Variants in ELMOD2 observed in about 807,000 individuals in gnomAD.
ELMOD2 encodes ELMO domain containing 2.
ELMOD2 carries 28 observed loss-of-function variants against 41.0 expected under a neutral mutation model. That is an observed-to-expected ratio of 0.68 (90% confidence interval 0.51 to 0.94). The LOEUF (loss-of-function observed/expected upper bound fraction) is 0.94. Among genes scored for constraint, ELMOD2 ranks in the 40% least tolerant of loss-of-function variants. The pLI, the probability that ELMOD2 is intolerant of heterozygous loss-of-function variation, is 0.00. For synonymous variants in ELMOD2, 106 were observed against 107.2 expected (o/e 0.99, Z 0.07); for missense variants, 333 against 343.1 (o/e 0.97, Z 0.23).
chr4:140,550,919 G>A lies in ELMOD2; in HGVS notation c.*544G>A, dbSNP rs943222312. ...GCAAATAGAGCAGAGATACAGCAGA[G>A]AGAATAAAGAATTAGGGCCTCCTTT... On this transcript the variant is annotated 3_prime_UTR_variant, in exon 9 of 9. Transcript: ENST00000323570. The A allele has an allele frequency of 1.3e-5, 2 of 152,240 alleles. No homozygotes were observed. The highest frequency in any genetic ancestry group is 2.9e-5 in the Non-Finnish European group (2 of 68,080). The allele number at this position is 152,240 out of a possible 1,614,324, so 9.4% of individuals were successfully genotyped here.
chr4:140,526,123 T>G (rs1367962997), intron 2 of ELMOD2, among the ~76,000 whole-genome samples: 3 of 152,232 alleles, frequency 2.0e-5, no homozygotes, highest in Non-Finnish European at 4.4e-5. Flanking sequence ...GTGTAAAATA[T>G]AAACTGTATT....
intron 3 of ELMOD2, among the ~76,000 whole-genome samples, chr4:140,532,209 G>T (rs146960199): frequency 4.3e-4 from 63 of 148,042 alleles, no homozygotes; most frequent in African/African-American, 1.5e-3. Context: ...CTGTTGACCA[G>T]GCTGGTGTGC....
chr4:140,526,543 AG>A (rs1734568045), intron 2 of ELMOD2: 1 of 152,146 alleles, frequency 6.6e-6, no homozygotes, highest in Non-Finnish European at 1.5e-5. Flanking sequence ...GTGTTGATCA[AG>A]TGTGCTTCGA....
chr4:140,537,374 G>C (rs746809597), intron 4 of ELMOD2, 38 bp from the exon 5 acceptor site: 3 of 1,449,736 alleles, frequency 2.1e-6, no homozygotes, highest in Non-Finnish European at 2.7e-6. Context: ...ATTGTGATAA[G>C]AGGGTATGCT....
intron 1 of ELMOD2, 76 bp from the exon 2 acceptor site, chr4:140,525,344 C>A: frequency 7.3e-7 from 1 of 1,372,624 alleles, no homozygotes; most frequent in Non-Finnish European, 9.8e-7. Context: ...GAGATTTGAT[C>A]AGTTGTATAA....
intron 2 of ELMOD2, 42 bp downstream of exon 2, chr4:140,525,612 CGGAGTGTTTTTCTCAGG>C: frequency 6.4e-7 from 1 of 1,573,320 alleles, no homozygotes; most frequent in East Asian, 2.3e-5. Flanking sequence ...AAAAGTTTAA[CGGAGTGTTTTTCTCAGG>C]ACTCACAGTG....
At chr4:140,534,523 C>G (rs1326444907) in intron 3 of ELMOD2, among the ~76,000 whole-genome samples, 1 of 152,116 alleles carries the variant, frequency 6.6e-6, no homozygotes, top group Non-Finnish European at 1.5e-5. Flanking sequence ...GTGCCTTTCA[C>G]TGTATTTAAA....
At chr4:140,524,544 G>C in intron 1 of ELMOD2, 1 of 961,540 alleles carries the variant, frequency 1.0e-6, no homozygotes. Context: ...TAATGAGCGC[G>C]GACTAGATGG....
intron 5 of ELMOD2, among the ~76,000 whole-genome samples, chr4:140,539,502 A>T (rs1164848513): frequency 1.3e-5 from 2 of 151,512 alleles, no homozygotes; most frequent in African/African-American, 4.9e-5. Flanking sequence ...GCCTGCCACC[A>T]CGCCTGGCTA....
At chr4:140,549,681 CTTTTTTTTTTTT>C (rs10538089) in intron 8 of ELMOD2, among the ~76,000 whole-genome samples, 3 of 42,930 alleles carry the variant, frequency 7.0e-5, no homozygotes, top group African/African-American at 1.1e-4. Flanking sequence ...AGTACTACAT[CTTTTTTTTTTTT>C]TTTTTTTTTT....
intron 8 of ELMOD2, 102 bp from the exon 9 acceptor site, chr4:140,550,127 TA>T: frequency 1.0e-6 from 1 of 982,196 alleles, no homozygotes; most frequent in Non-Finnish European, 1.5e-6. Context: ...TATTGTATTC[TA>T]ATATGGAATT....
At chr4:140,544,364 T>G (rs1182046881) in intron 8 of ELMOD2, among the ~76,000 whole-genome samples, 2 of 152,120 alleles carry the variant, frequency 1.3e-5, no homozygotes, top group Non-Finnish European at 2.9e-5. Flanking sequence ...CTAATTCCAG[T>G]TTTGTCTGCA....
At chr4:140,530,829 A>G (rs1407918782) in intron 3 of ELMOD2, among the ~76,000 whole-genome samples, 1 of 152,094 alleles carries the variant, frequency 6.6e-6, no homozygotes, top group Admixed American at 6.6e-5. Flanking sequence ...TCTATTTCTC[A>G]TTTTGTGATA....
intron 8 of ELMOD2, among the ~76,000 whole-genome samples, chr4:140,545,700 T>A (rs1207662147): frequency 2.6e-5 from 4 of 151,846 alleles, no homozygotes; most frequent in Non-Finnish European, 5.9e-5. Flanking sequence ...TTGCTGGGAC[T>A]TTGCTAACTT....
In ELMOD2 at chr4:140,536,701, G is replaced by C. The variant is rs1351058947; in HGVS notation, c.270-711G>C. ...TGTCCTCTGGTTTTTAAGCAAACAAGCTACATTTTTAGATATGTATTTTAG... is the reference window on the plus strand; with the variant it reads ...TGTCCTCTGGTTTTTAAGCAAACAACCTACATTTTTAGATATGTATTTTAG... On this transcript the variant is annotated intron_variant, in intron 4 of 8. Coordinates refer to ENST00000323570, the MANE Select transcript of ELMOD2 (RefSeq NM_153702.4). Among the ~76,000 whole-genome samples, 10 of 152,226 alleles carry C rather than the reference G, an allele frequency of 6.6e-5. No homozygotes were observed. In the East Asian group the frequency reaches 1.9e-3, roughly 29 times the overall value.
At position 140,540,403 on chromosome 4, in the gene ELMOD2, T is replaced by C. The variant is rs183717092; in HGVS notation, c.533+102T>C. 246 of 1,434,568 alleles carry C rather than the reference T, an allele frequency of 1.7e-4. No individual in the cohort carries two copies. In the African/African-American group the frequency reaches 3.2e-3, roughly 19 times the overall value. 88.9% of individuals were successfully genotyped at this position (1,434,568 alleles called of 1,614,324 possible). A position where few individuals can be genotyped will look rare whatever the true frequency, so the allele number is the denominator to read the frequency against. ...AGTGATCTAGTTGATTCATACTATC[T>C]CTGAATTTTAATAACTGCAGTGCTG... On this transcript the variant is annotated intron_variant, in intron 6 of 8. Transcript: ENST00000323570.
At position 140,550,330 on chromosome 4, in the gene ELMOD2, A is replaced by C; in HGVS notation, c.837A>C (p.Lys279Asn). Residue 279 changes from lysine (K) to asparagine (N), a missense_variant, in exon 9 of 9, where the codon AAA (lysine) becomes AAC (asparagine). Coordinates refer to ENST00000323570, the MANE Select transcript of ELMOD2 (RefSeq NM_153702.4). ...GAGAGAAGTTTCATGAAAAGATTAA[A>C]GGACTTTTACTGGATTGTAATGTAG... ...LYREKFHEKI[K>N]GLLLDCNVAL... The C allele has an allele frequency of 8.1e-6, 13 of 1,611,422 alleles. No individual in the cohort carries two copies. The highest frequency in any genetic ancestry group is 1.1e-5 in the Non-Finnish European group (13 of 1,178,562).
intron 5 of ELMOD2, among the ~76,000 whole-genome samples, chr4:140,539,424 C>G (rs1047337133): frequency 6.6e-6 from 1 of 151,518 alleles, no homozygotes; most frequent in African/African-American, 2.4e-5. Context: ...TGCAGTGGCG[C>G]CATCTCAGCT....
At position 140,540,299 on chromosome 4, in the gene ELMOD2, T is replaced by G. The variant is rs1366436618; in HGVS notation, c.531T>G (p.Leu177=). The change falls in exon 6 of 9, where the codon CTT becomes CTG. Residue 177 remains leucine, a splice_region_variant and synonymous_variant. Coordinates refer to ENST00000323570, the MANE Select transcript of ELMOD2 (RefSeq NM_153702.4). The part of the protein sequence containing the change: ...RGMGILGLIN[L]VYFSENYTSE... ...TGGGCATACTTGGGTTAATCAATCTTGTGTAAGTGAAAGTAAACTTTCTTT... is the reference window on the plus strand; with the variant it reads ...TGGGCATACTTGGGTTAATCAATCTGGTGTAAGTGAAAGTAAACTTTCTTT... The G allele has an allele frequency of 6.2e-7, 1 of 1,612,140 alleles. No individual in the cohort carries two copies. The highest frequency in any genetic ancestry group is 8.5e-7 in the Non-Finnish European group (1 of 1,179,502).
Sources: allele counts gnomAD v4.1 joint callset (sites outside exome capture counted in the v4.1 genomes callset), GRCh38; gene constraint gnomAD v4.1.1; transcripts MANE v1.5; gene names NCBI Gene and HGNC (gene_info 2026-07-23, HGNC 2026-07-21).